MTTP: variants seen among roughly 807,000 people sequenced by gnomAD.
MTTP encodes microsomal triglyceride transfer protein, also known as microsomal triglyceride transfer protein large subunit.
MTTP carries 49 observed loss-of-function variants against 90.6 expected under a neutral mutation model. That is an observed-to-expected ratio of 0.54 (90% CI 0.43 to 0.69). The LOEUF (loss-of-function observed/expected upper bound fraction) is 0.69. Ranked by LOEUF, MTTP falls within the 30% of genes least tolerant of loss-of-function variation. The pLI, the probability that MTTP is intolerant of heterozygous loss-of-function variation, is 0.00. For synonymous variants in MTTP, 347 were observed against 384.2 expected (o/e 0.90, Z 1.13); for missense variants, 945 against 1,067.5 (o/e 0.89, Z 1.60).
chr4:99,567,128 CTT>C (rs1053825754), intron 1 of MTTP, among the ~76,000 whole-genome samples: 4 of 152,122 alleles, frequency 2.6e-5, no homozygotes, highest in African/African-American at 9.7e-5. Flanking sequence ...AGAAAAAAAA[CTT>C]TAAAATGTAT....
At chr4:99,584,759 T>C (rs574283863) in intron 3 of MTTP, among the ~76,000 whole-genome samples, 13 of 152,238 alleles carry the variant, frequency 8.5e-5, no homozygotes, top group South Asian at 4.1e-4. Context: ...CACTTTGTTT[T>C]TGGTCATTTG....
At chr4:99,568,971 G>A (rs982210055) in intron 1 of MTTP, among the ~76,000 whole-genome samples, 1 of 152,066 alleles carries the variant, frequency 6.6e-6, no homozygotes, top group Admixed American at 6.6e-5. Flanking sequence ...CAAGGAGGAG[G>A]AACATAACTC....
chr4:99,597,091 A>G lies in MTTP; in HGVS notation c.934A>G (p.Arg312Gly), dbSNP rs1420906147. 2 of 1,614,038 alleles carry G rather than the reference A, an allele frequency of 1.2e-6. No individual in the cohort carries two copies. The highest frequency in any genetic ancestry group is 1.1e-5 in the South Asian group (1 of 91,082). The change falls in exon 8 of 18, where the codon AGG (arginine) becomes GGG (glycine). Residue 312 changes from arginine to glycine, a missense_variant. Arg to Gly is a moderately radical substitution (Grantham distance 125). Coordinates refer to ENST00000265517, the MANE Select transcript of MTTP (RefSeq NM_001386140.1). The part of the protein sequence containing the change: ...PSLSELWRST[R>G]KYLQPDNLSK... ...GCTCTCGGAGCTCTGGCGGTCCACC[A>G]GGAAATACCTGCAGCCTGACAACCT...
intron 10 of MTTP, among the ~76,000 whole-genome samples, chr4:99,605,600 A>G (rs1158096623): frequency 1.3e-5 from 2 of 152,174 alleles, no homozygotes; most frequent in East Asian, 3.8e-4. Context: ...TGCTGGTCAA[A>G]AAGCAGTTCT....
At chr4:99,590,572 G>T (rs1346206291) in intron 4 of MTTP, among the ~76,000 whole-genome samples, 3 of 152,126 alleles carry the variant, frequency 2.0e-5, no homozygotes. Context: ...AATTCAACCA[G>T]CCCATGAGTG....
rs112492216 is a variant in MTTP at position 99,606,632 on chromosome 4, A to T, written c.1345-116A>T. 1.0e-5 allele frequency: 10 copies of T among 995,654 alleles called. No individual in the cohort carries two copies. The Admixed American group carries it at 1.7e-4, about 17-fold the overall frequency. The allele number at this position is 995,654 out of a possible 1,614,324, so 61.7% of individuals were successfully genotyped here. ...ACTGTGTGCCTCAGTCAAGCAACCA[A>T]TGCAAAACTTTGTAAAACTGTAGGT... is the stretch of plus-strand genomic sequence containing the variant. On this transcript the variant is annotated intron_variant, in intron 10 of 17. Transcript: ENST00000265517.
rs41275715 is a variant in MTTP, at chr4:99,612,756, C to T, written c.1990-157C>T. Among the ~76,000 whole-genome samples, 15,891 of 152,180 alleles carry T rather than the reference C, an allele frequency of 0.1. 1,003 individuals carry two copies. The highest frequency in any genetic ancestry group is 0.2 in the Middle Eastern group (59 of 294). On this transcript the variant is annotated intron_variant, in intron 14 of 17. Coordinates refer to ENST00000265517, the MANE Select transcript of MTTP (RefSeq NM_001386140.1). ...AACTAACCCACCTTATATTCAGGCA[C>T]AGAGGTTTTTGTCTGTTTTAGTTTT...
chr4:99,622,692 G>T lies in MTTP; in HGVS notation c.2529G>T (p.Lys843Asn). 2 of 1,614,004 alleles carry T rather than the reference G, an allele frequency of 1.2e-6. No individual in the cohort carries two copies. The highest frequency in any genetic ancestry group is 1.7e-5 in the Admixed American group (1 of 60,022). ...DEAPFRQFEK[K>N]YERLSTGRGY... ...TGTTGTACAGGCAATTTGAGAAAAA[G>T]TACGAAAGGCTGTCCACAGGCAGAG... Residue 843 changes from lysine (K) to asparagine (N), a missense_variant, in exon 18 of 18, where the codon AAG becomes AAT. By Grantham distance (94) the Lys-to-Asn change is moderately conservative (BLOSUM62 0). Transcript: ENST00000265517.
Position 99,591,752 on chromosome 4 carries a change from G to C in MTTP, c.720G>C (p.Leu240=). ...VLAEETHNFG[L]NFLQTIKGKI... ...CTGAAGAAACACACAATTTTGGACTGAATTTCCTACAAACCATTAAGGGGA... is the reference window on the plus strand; with the variant it reads ...CTGAAGAAACACACAATTTTGGACTCAATTTCCTACAAACCATTAAGGGGA... Residue 240 remains leucine, a synonymous_variant, in exon 6 of 18, where the codon CTG becomes CTC. Transcript: ENST00000265517. The C allele has an allele frequency of 6.2e-7, 1 of 1,613,212 alleles. No homozygotes were observed. Among genetic ancestry groups the C allele is most frequent in the Non-Finnish European group, 8.5e-7 (1 of 1,179,380 alleles).
upstream of MTTP, among the ~76,000 whole-genome samples, chr4:99,573,121 C>T (rs1169152352): frequency 6.6e-6 from 1 of 152,112 alleles, no homozygotes; most frequent in Non-Finnish European, 1.5e-5. Flanking sequence ...ACGTATCATG[C>T]ACCACATAGC....
At chr4:99,582,587 T>A (rs1419562275) in intron 2 of MTTP, among the ~76,000 whole-genome samples, 1 of 152,158 alleles carries the variant, frequency 6.6e-6, no homozygotes, top group East Asian at 1.9e-4. Context: ...TCAGTTAAAA[T>A]GGTTTAGATT....
intron 1 of MTTP, among the ~76,000 whole-genome samples, chr4:99,566,308 A>AAG (rs1724699767): frequency 6.6e-6 from 1 of 151,796 alleles, no homozygotes; most frequent in South Asian, 2.1e-4. Context: ...AAAAAAAAAA[A>AAG]AAAAAAGAAA....
chr4:99,565,053 C>T (rs1206841496), intron 1 of MTTP, among the ~76,000 whole-genome samples: 1 of 152,130 alleles, frequency 6.6e-6, no homozygotes, highest in Non-Finnish European at 1.5e-5. Context: ...GGATCCACTT[C>T]TGATCTGTTA....
At position 99,591,153 on chromosome 4, in the gene MTTP, C is replaced by A. The variant is rs1023559666; in HGVS notation, c.502-82C>A. 31 of 1,024,734 alleles carry A rather than the reference C, an allele frequency of 3.0e-5. No homozygotes were observed. In the Admixed American group the frequency reaches 4.9e-4, roughly 16 times the overall value. The allele number at this position is 1,024,734 out of a possible 1,614,324, so 63.5% of individuals were successfully genotyped here. A position where few individuals can be genotyped will look rare whatever the true frequency, so the allele number is the denominator to read the frequency against. ...AAGTCCCCTATGGCCTATTAGAGAC[C>A]TCAATTTTCAAGCCACTTCTCACTA... On this transcript the variant is annotated intron_variant, in intron 4 of 17. Transcript: ENST00000265517.
Position 99,622,682 on chromosome 4 carries a change from T to G in MTTP, c.2519T>G (p.Phe840Cys), listed in dbSNP as rs1174484744. 2.5e-6 allele frequency: 4 copies of G among 1,613,900 alleles called. No homozygotes were observed. The highest frequency in any genetic ancestry group is 3.4e-6 in the Non-Finnish European group (4 of 1,179,844). Reference protein sequence around the residue: ...MDKDEAPFRQFEKKYERLSTG... With the variant: ...MDKDEAPFRQCEKKYERLSTG... ...TTGTTGCTGTTGTTGTACAGGCAAT[T>G]TGAGAAAAAGTACGAAAGGCTGTCC... Residue 840 changes from phenylalanine to cysteine, a missense_variant, in exon 18 of 18, where the codon TTT (phenylalanine) becomes TGT (cysteine). Phe to Cys is a radical substitution (Grantham distance 205). Transcript: ENST00000265517.
At chr4:99,592,968 A>T (rs1370225555) in intron 6 of MTTP, among the ~76,000 whole-genome samples, 22 of 152,186 alleles carry the variant, frequency 1.4e-4, no homozygotes, top group Admixed American at 1.4e-3. Flanking sequence ...CGACAAAAAC[A>T]CGTGAGTAAT....
At chr4:99,611,521 A>C in intron 14 of MTTP, 68 bp downstream of exon 14, 1 of 1,571,806 alleles carries the variant, frequency 6.4e-7, no homozygotes. Flanking sequence ...AAAATAAAAC[A>C]TATATGCTGT....
chr4:99,566,297 G>GAAAAAAAAAA lies in MTTP; in HGVS notation c.-102+2068_-102+2077dup, dbSNP rs567380343. On this transcript the variant is annotated intron_variant, in intron 1 of 18. Coordinates refer to the MTTP transcript ENST00000457717. ...GAGTGATACTCCGTCTCAAAAAAAAGAAAAAAAAAAAAAAAAAGAAAAATA... is the reference window on the plus strand; with the variant it reads ...GAGTGATACTCCGTCTCAAAAAAAAGAAAAAAAAAAAAAAAAAAAAAAAAAAAGAAAAATA... Among the ~76,000 whole-genome samples, 403 of 117,192 alleles carry GAAAAAAAAAA rather than the reference G, an allele frequency of 3.4e-3. 5 individuals carry two copies. The highest frequency in any genetic ancestry group is 6.7e-3 in the East Asian group (27 of 4,028). The allele number at this position is 117,192 out of a possible 152,430, so 76.9% of individuals were successfully genotyped here. A position where few individuals can be genotyped will look rare whatever the true frequency, so the allele number is the denominator to read the frequency against.
chr4:99,583,783 T>C, intron 3 of MTTP: 1 of 568,674 alleles, frequency 1.8e-6, no homozygotes, highest in Non-Finnish European at 3.1e-6. Flanking sequence ...ATGAAAGGCA[T>C]TATTAAAAGG....
Sources: gnomAD v4.1 joint callset for allele counts (sites outside exome capture counted in the v4.1 genomes callset) on GRCh38, gnomAD v4.1.1 for gene constraint, MANE v1.5 for transcripts, NCBI Gene and HGNC (gene_info 2026-07-23, HGNC 2026-07-21) for gene names.